Variants in MON2 observed in about 807,000 individuals in gnomAD.
The protein encoded by MON2 is MON2 regulator of endosome-to-Golgi trafficking, also known as protein MON2 homolog.
Under a neutral mutation model 208.6 loss-of-function variants are expected in MON2, and 84 were observed. The observed-to-expected ratio is 0.40, with a 90% CI of 0.34 to 0.48. The LOEUF (loss-of-function observed/expected upper bound fraction) is 0.48, where lower values mean the gene tolerates loss of function less well. Ranked by LOEUF, MON2 falls within the 20% of genes least tolerant of loss-of-function variation. The probability of loss-of-function intolerance (pLI) is 0.59; values close to 1 mark genes in which losing one functional copy is unlikely to be tolerated. For synonymous variants in MON2, 660 were observed against 694.0 expected (o/e 0.95, Z 0.77); for missense variants, 1,611 against 2,015.4 (o/e 0.80, Z 3.84).
chr12:62,503,296 T>C (rs2070935964), intron 7 of MON2, among the ~76,000 whole-genome samples: 1 of 152,154 alleles, frequency 6.6e-6, no homozygotes, highest in Non-Finnish European at 1.5e-5. Flanking sequence ...TCCAAATTAG[T>C]TTCTCTCTGT....
chr12:62,547,900 C>T (rs1253422661), intron 22 of MON2, among the ~76,000 whole-genome samples: 4 of 152,082 alleles, frequency 2.6e-5, no homozygotes, highest in Non-Finnish European at 5.9e-5. Flanking sequence ...AGGTTTGTGT[C>T]AGTAAACTCT....
Position 62,514,333 on chromosome 12 carries a change from G to A in MON2, c.984+5853G>A, listed in dbSNP as rs541107474. ...ATCTTTTCCACAGCACCCCACTCCT[G>A]GTTCCAATTTACTGTAGTAGTCCAT... On this transcript the variant is annotated intron_variant, in intron 8 of 34. Transcript: ENST00000393630. 8.4e-4 allele frequency among the ~76,000 whole-genome samples: 128 copies of A among 152,200 alleles called. No individual in the cohort carries two copies. The Middle Eastern group carries it at 0.024, about 28-fold the overall frequency.
At chr12:62,534,543 A>ATATATATATATATATTT (rs2072849341) in intron 12 of MON2, among the ~76,000 whole-genome samples, 2 of 21,910 alleles carry the variant, frequency 9.1e-5, no homozygotes, top group Non-Finnish European at 1.6e-4. Context: ...AAAAAAAAAA[A>ATATATATATATATATTT]TATATATATA....
At position 62,565,307 on chromosome 12, in the gene MON2, T is replaced by C; in HGVS notation, c.4103T>C (p.Val1368Ala). The C allele has an allele frequency of 6.2e-7, 1 of 1,613,168 alleles. No homozygotes were observed. Among genetic ancestry groups the C allele is most frequent in the South Asian group, 1.1e-5 (1 of 91,040 alleles). The change falls in exon 27 of 35, where the codon GTA (valine) becomes GCA (alanine). Residue 1368 changes from valine to alanine, a missense_variant. By Grantham distance (64) the Val-to-Ala change is moderately conservative (BLOSUM62 0). Coordinates refer to ENST00000393630, the MANE Select transcript of MON2 (RefSeq NM_015026.3). ...ATATTTGACCAGTTGTTGGCATTTG[T>C]AGAATTTTCCTGTAAACCTCCACAG... The part of the protein sequence containing the change: ...PAIFDQLLAF[V>A]EFSCKPPQYG...
chr12:62,526,221 C>T (rs989737931), intron 11 of MON2, 119 bp downstream of exon 11: 9 of 939,296 alleles, frequency 9.6e-6, no homozygotes, highest in Non-Finnish European at 1.1e-5. Flanking sequence ...TATTTTAGAG[C>T]TCATTTTCTT....
intron 8 of MON2, among the ~76,000 whole-genome samples, chr12:62,509,318 T>C (rs1467382322): frequency 2.0e-5 from 3 of 152,148 alleles, no homozygotes; most frequent in African/African-American, 7.2e-5. Context: ...CTTCACCCTA[T>C]TGGTCAGGCT....
intron 1 of MON2, among the ~76,000 whole-genome samples, chr12:62,473,351 C>T (rs1242742888): frequency 6.6e-6 from 1 of 152,104 alleles, no homozygotes; most frequent in Non-Finnish European, 1.5e-5. Context: ...TATGTGAGTC[C>T]ATGTGAGTCC....
At chr12:62,504,440 G>T (rs372841291) in intron 7 of MON2, among the ~76,000 whole-genome samples, 1 of 151,700 alleles carries the variant, frequency 6.6e-6, no homozygotes, top group African/African-American at 2.4e-5. Context: ...GTAGAGATGG[G>T]GTTTCACCGT....
intron 8 of MON2, among the ~76,000 whole-genome samples, chr12:62,519,990 T>C (rs921040293): frequency 4.6e-5 from 7 of 152,230 alleles, no homozygotes; most frequent in African/African-American, 1.4e-4. Flanking sequence ...TAATTTTTTG[T>C]ATTTTCAGTA....
At chr12:62,536,695 T>C (rs979446057) in intron 14 of MON2, among the ~76,000 whole-genome samples, 2 of 132,862 alleles carry the variant, frequency 1.5e-5, no homozygotes, top group Non-Finnish European at 3.1e-5. Context: ...TGTTTTTTTG[T>C]TTTTTTTTTT....
At chr12:62,488,405 G>A (rs1315831168) in intron 2 of MON2, among the ~76,000 whole-genome samples, 1 of 152,132 alleles carries the variant, frequency 6.6e-6, no homozygotes, top group Non-Finnish European at 1.5e-5. Context: ...TTTGTGTATA[G>A]AGCTTGGTGT....
chr12:62,549,979 A>G (rs1186174116), intron 23 of MON2, 149 bp downstream of exon 23: 1 of 498,222 alleles, frequency 2.0e-6, no homozygotes, highest in Non-Finnish European at 3.5e-6. Flanking sequence ...GAAGGATTAA[A>G]TAACATCACT....
intron 7 of MON2, among the ~76,000 whole-genome samples, chr12:62,502,029 G>C (rs1364159947): frequency 6.6e-6 from 1 of 152,118 alleles, no homozygotes; most frequent in African/African-American, 2.4e-5. Context: ...AGACCAGCCT[G>C]GCCAATATGG....
intron 19 of MON2, among the ~76,000 whole-genome samples, chr12:62,539,881 C>T (rs1246592201): frequency 3.3e-5 from 5 of 151,708 alleles, no homozygotes; most frequent in Admixed American, 2.0e-4. Flanking sequence ...GCTGGACATG[C>T]TCAGTTGAAC....
chr12:62,479,578 A>C (rs529349526), intron 1 of MON2, among the ~76,000 whole-genome samples: 95 of 152,158 alleles, frequency 6.2e-4, no homozygotes, highest in Non-Finnish European at 1.1e-3. Flanking sequence ...AGGTGGTCTT[A>C]GAAAAGCAGT....
Position 62,592,893 on chromosome 12 carries a change from C to A in MON2, c.*144C>A. 1 of 731,852 alleles carries A rather than the reference C, an allele frequency of 1.4e-6. No individual in the cohort carries two copies. Among genetic ancestry groups the A allele is most frequent in the Non-Finnish European group, 2.1e-6 (1 of 472,690 alleles). The allele number at this position is 731,852 out of a possible 1,614,324, so 45.3% of individuals were successfully genotyped here. A position where few individuals can be genotyped will look rare whatever the true frequency, so the allele number is the denominator to read the frequency against. ...CCTTTAAATTCTACTTACCTGAGTT[C>A]AGTAATTCATATTACAGGCTTGCAC... On this transcript the variant is annotated 3_prime_UTR_variant, in exon 35 of 35. Coordinates refer to ENST00000393630, the MANE Select transcript of MON2 (RefSeq NM_015026.3).
chr12:62,524,130 T>C lies in MON2; in HGVS notation c.985-385T>C, dbSNP rs995086544. On this transcript the variant is annotated intron_variant, in intron 8 of 34. Transcript: ENST00000393630. Reference sequence around the variant, plus strand: ...TTGTTTCTTTAGTAGCAAAAGAAAGTATGGAAAAAACTGCTCTGAAGAGTA... The same window carrying C: ...TTGTTTCTTTAGTAGCAAAAGAAAGCATGGAAAAAACTGCTCTGAAGAGTA... Among the ~76,000 whole-genome samples the C allele has an allele frequency of 2.0e-5, 3 of 152,030 alleles. No homozygotes were observed. The East Asian group carries it at 5.8e-4, about 29-fold the overall frequency.
intron 7 of MON2, among the ~76,000 whole-genome samples, chr12:62,504,740 A>G (rs544156269): frequency 6.6e-6 from 1 of 152,220 alleles, no homozygotes; most frequent in African/African-American, 2.4e-5. Flanking sequence ...CTTAAGTTTT[A>G]TGCCAAGTAT....
intron 5 of MON2, among the ~76,000 whole-genome samples, chr12:62,499,803 G>A (rs1241762844): frequency 6.6e-6 from 1 of 151,862 alleles, no homozygotes; most frequent in African/African-American, 2.4e-5. Context: ...AACCCGAGAG[G>A]CAGAGGTTGC....
Sources: allele counts gnomAD v4.1 joint callset (sites outside exome capture counted in the v4.1 genomes callset), GRCh38; gene constraint gnomAD v4.1.1; transcripts MANE v1.5; gene names NCBI Gene and HGNC (gene_info 2026-07-23, HGNC 2026-07-21).